Variants in STK33 observed in about 807,000 individuals in gnomAD.
STK33 encodes serine/threonine-protein kinase 33.
STK33 carries 52 observed loss-of-function variants against 58.0 expected under a neutral mutation model. The observed-to-expected ratio is 0.90, with a 90% CI of 0.72 to 1.13. The LOEUF is 1.13. Among genes scored for constraint, STK33 ranks in the 50% most tolerant of loss-of-function variants. The pLI is 0.00. For missense variants in STK33, 630 were observed against 604.2 expected, an observed-to-expected ratio of 1.04 and a Z score of -0.45; for synonymous variants, 215 against 200.1, an observed-to-expected ratio of 1.07 and a Z score of -0.63.
intron 15 of STK33, among the ~76,000 whole-genome samples, chr11:8,398,893 G>C (rs1302388897): frequency 6.6e-6 from 1 of 152,030 alleles, no homozygotes; most frequent in Non-Finnish European, 1.5e-5. Context: ...ATGGTAAAGG[G>C]ATCAATTCAA....
chr11:8,407,547 G>C (rs1229571848), intron 15 of STK33, among the ~76,000 whole-genome samples: 2 of 152,020 alleles, frequency 1.3e-5, no homozygotes, highest in Middle Eastern at 6.8e-3. Flanking sequence ...TTCTATTTTT[G>C]TGTAACTGTT....
rs182277295 is a variant in STK33, at chr11:8,535,925, G to A, written c.-465-55311C>T. Among the ~76,000 whole-genome samples, 145 of 152,218 alleles carry A rather than the reference G, an allele frequency of 9.5e-4. 2 individuals carry two copies. Among genetic ancestry groups the A allele is most frequent in the Admixed American group, 2.0e-3 (31 of 15,290 alleles). On this transcript the variant is annotated intron_variant, in intron 1 of 15. Coordinates refer to ENST00000687296, the MANE Select transcript of STK33 (RefSeq NM_001352389.2). ...TGGAATACTCTTTGGCCATAAAAAA[G>A]AATAAAGTCATACCATTTTGCAGCA...
rs34212152 is a variant in STK33 at position 8,443,599 on chromosome 11, C to CAA, written c.872-2848_872-2847dup. On this transcript the variant is annotated intron_variant, in intron 11 of 15. Coordinates refer to ENST00000687296, the MANE Select transcript of STK33 (RefSeq NM_001352389.2). ...TAATCACAATTAGAACACCGTATGGCAAAAAAAAAAAAGTCAAGGTACTCA... is the reference window on the plus strand; with the variant it reads ...TAATCACAATTAGAACACCGTATGGCAAAAAAAAAAAAAAGTCAAGGTACTCA... Among the ~76,000 whole-genome samples the CAA allele has an allele frequency of 5.2e-4, 75 of 145,148 alleles. 1 individual carries two copies. Among genetic ancestry groups the CAA allele is most frequent in the African/African-American group, 1.8e-3 (72 of 39,474 alleles).
At chr11:8,474,495 G>A (rs1949077458) in intron 5 of STK33, among the ~76,000 whole-genome samples, 186 bp downstream of exon 5, 1 of 152,102 alleles carries the variant, frequency 6.6e-6, no homozygotes, top group Non-Finnish European at 1.5e-5. Flanking sequence ...TTGGGCAGTG[G>A]TTTGAAACAT....
At chr11:8,551,569 C>T (rs901171645) in intron 1 of STK33, among the ~76,000 whole-genome samples, 1 of 152,158 alleles carries the variant, frequency 6.6e-6, no homozygotes, top group Non-Finnish European at 1.5e-5. Context: ...GATGCCTGCA[C>T]ATTTAAGGAG....
At chr11:8,542,158 A>G (rs1955570021) in intron 1 of STK33, among the ~76,000 whole-genome samples, 1 of 152,218 alleles carries the variant, frequency 6.6e-6, no homozygotes, top group Admixed American at 6.5e-5. Flanking sequence ...TCTTTGATTC[A>G]GGATGTCATA....
the STK33 span, among the ~76,000 whole-genome samples, chr11:8,337,493 C>G: frequency 6.6e-6 from 1 of 152,152 alleles, no homozygotes. Flanking sequence ...TCCCACTGAA[C>G]TCAGCAACCC....
intron 4 of STK33, chr11:8,475,397 T>G (rs1949174575): frequency 6.6e-6 from 1 of 152,396 alleles, no homozygotes; most frequent in African/African-American, 2.4e-5. Context: ...GCGTGTGTAC[T>G]TGATCACAGT....
At chr11:8,403,564 T>C (rs1337802386) in intron 15 of STK33, among the ~76,000 whole-genome samples, 1 of 152,228 alleles carries the variant, frequency 6.6e-6, no homozygotes, top group East Asian at 1.9e-4. Flanking sequence ...TCAAGCAGCA[T>C]TTCAATTGTT....
the STK33 span, among the ~76,000 whole-genome samples, chr11:8,358,705 C>A: frequency 6.6e-6 from 1 of 151,944 alleles, no homozygotes; most frequent in South Asian, 2.1e-4. Flanking sequence ...ACGTGAACAT[C>A]AAAATAAATA....
intron 1 of STK33, among the ~76,000 whole-genome samples, chr11:8,583,003 G>A (rs1247293309): frequency 6.6e-6 from 1 of 152,164 alleles, no homozygotes; most frequent in African/African-American, 2.4e-5. Context: ...GTTTTCCAAT[G>A]ACTGGGAACC....
chr11:8,381,575 A>C, the STK33 span, among the ~76,000 whole-genome samples: 2 of 152,122 alleles, frequency 1.3e-5, no homozygotes, highest in Non-Finnish European at 1.5e-5. Flanking sequence ...GAAACATGAG[A>C]GATCACCTAG....
chr11:8,410,431 A>C (rs1198726584), intron 15 of STK33, among the ~76,000 whole-genome samples: 2 of 151,888 alleles, frequency 1.3e-5, no homozygotes, highest in Non-Finnish European at 2.9e-5. Context: ...AAATTATCAC[A>C]AAAGAAAATA....
At chr11:8,487,665 G>A (rs1950286737) in intron 1 of STK33, among the ~76,000 whole-genome samples, 1 of 152,072 alleles carries the variant, frequency 6.6e-6, no homozygotes, top group Non-Finnish European at 1.5e-5. Flanking sequence ...TTGAAGGGAA[G>A]ATTGGTCAAA....
the STK33 span, among the ~76,000 whole-genome samples, chr11:8,362,578 C>A: frequency 6.6e-6 from 1 of 152,142 alleles, no homozygotes; most frequent in African/African-American, 2.4e-5. Context: ...TTGGGGTTCA[C>A]CCAACAAAAA....
chr11:8,343,066 T>C, the STK33 span, among the ~76,000 whole-genome samples: 2 of 152,242 alleles, frequency 1.3e-5, no homozygotes, highest in African/African-American at 4.8e-5. Context: ...TTAAACCACA[T>C]ACGATCGTTT....
the STK33 span, among the ~76,000 whole-genome samples, chr11:8,384,759 G>C: frequency 2.2e-3 from 340 of 152,246 alleles, 1 homozygote; most frequent in Middle Eastern, 6.8e-3. Flanking sequence ...TCAATCACTT[G>C]AGATGACTCA....
At chr11:8,455,116 C>T (rs1946691100) in intron 9 of STK33, among the ~76,000 whole-genome samples, 1 of 152,128 alleles carries the variant, frequency 6.6e-6, no homozygotes, top group African/African-American at 2.4e-5. Context: ...AGGATCCTAC[C>T]CATGCTTAGG....
At position 8,439,484 on chromosome 11, in the gene STK33, T is replaced by G. The variant is rs575389779; in HGVS notation, c.947+1194A>C. Among the ~76,000 whole-genome samples, 53 of 152,228 alleles carry G rather than the reference T, an allele frequency of 3.5e-4. No homozygotes were observed. In the South Asian group the frequency reaches 0.011, roughly 32 times the overall value. The stretch of plus-strand genomic sequence containing the variant: ...ATACCTTAAAATCTTTTGTGGAGCA[T>G]GAGAAAGTATATACCTAATAAATGT... On this transcript the variant is annotated intron_variant, in intron 12 of 15. Coordinates refer to ENST00000687296, the MANE Select transcript of STK33 (RefSeq NM_001352389.2).
Sources: gnomAD v4.1 joint callset for allele counts (sites outside exome capture counted in the v4.1 genomes callset) on GRCh38, gnomAD v4.1.1 for gene constraint, MANE v1.5 for transcripts, NCBI Gene and HGNC (gene_info 2026-07-23, HGNC 2026-07-21) for gene names.